Variants in PIK3R3 observed in about 807,000 individuals in gnomAD.
PIK3R3 encodes phosphatidylinositol 3-kinase regulatory subunit gamma.
A neutral mutation model predicts 62.9 loss-of-function variants in PIK3R3; 64 were observed. The ratio of observed to expected loss-of-function variants is 1.02; its 90% CI spans 0.83 to 1.25. PIK3R3 has a LOEUF of 1.25. Ranked by LOEUF, PIK3R3 falls within the 50% of genes most tolerant of loss-of-function variation. The probability of loss-of-function intolerance (pLI) is 0.00; values close to 1 mark genes in which losing one functional copy is unlikely to be tolerated. For synonymous variants in PIK3R3, 165 were observed against 189.0 expected (o/e 0.87, Z 1.04); for missense variants, 614 against 561.6 (o/e 1.09, Z -0.94).
In PIK3R3 at chr1:46,041,698, A is replaced by G. The variant is rs1032525276; in HGVS notation, c.*1975T>C. 1.0e-5 allele frequency: 2 copies of G among 194,176 alleles called. No individual in the cohort carries two copies. The highest frequency in any genetic ancestry group is 4.6e-5 in the African/African-American group (2 of 43,106). 12.0% of individuals were successfully genotyped at this position (194,176 alleles called of 1,614,324 possible). ...AGCAATTAGCTTGGTATTATTCAGTAAAACTTTCAGTTAAGATTTCAATTG... is the reference window on the plus strand; with the variant it reads ...AGCAATTAGCTTGGTATTATTCAGTGAAACTTTCAGTTAAGATTTCAATTG... On this transcript the variant is annotated 3_prime_UTR_variant, in exon 10 of 10. Coordinates refer to ENST00000262741, the MANE Select transcript of PIK3R3 (RefSeq NM_003629.4).
chr1:46,146,531 G>A, the PIK3R3 span, among the ~76,000 whole-genome samples: 1,461 of 152,210 alleles, frequency 9.6e-3, 77 homozygotes, highest in East Asian at 0.16. Flanking sequence ...CTCCAAAATG[G>A]GAAAGGTGTT....
At chr1:46,168,097 G>A in the PIK3R3 span, among the ~76,000 whole-genome samples, 1 of 152,058 alleles carries the variant, frequency 6.6e-6, no homozygotes, top group African/African-American at 2.4e-5. Flanking sequence ...GTTGCAGTGA[G>A]CCTAGATCAC....
intron 1 of PIK3R3, among the ~76,000 whole-genome samples, chr1:46,098,131 A>T (rs1438464233): frequency 6.6e-6 from 1 of 152,214 alleles, no homozygotes; most frequent in African/African-American, 2.4e-5. Context: ...TGTAAAAAAA[A>T]TCCCATTCCA....
the PIK3R3 span, among the ~76,000 whole-genome samples, chr1:46,167,776 G>A: frequency 4.6e-5 from 7 of 152,304 alleles, no homozygotes; most frequent in East Asian, 1.2e-3. Flanking sequence ...CCCGCTCTGG[G>A]CTTCCACTCA....
Position 46,043,526 on chromosome 1 carries a change from G to T in PIK3R3, c.*147C>A. On this transcript the variant is annotated 3_prime_UTR_variant, in exon 10 of 10. Coordinates refer to ENST00000262741, the MANE Select transcript of PIK3R3 (RefSeq NM_003629.4). The stretch of plus-strand genomic sequence containing the variant: ...GGCCTCTAATGCCCCCATCCCGGCC[G>T]GCTGCTGCTCGGCCTCTCCACTTCA... 1.5e-6 allele frequency: 1 copy of T among 684,530 alleles called. No individual in the cohort carries two copies. The highest frequency in any genetic ancestry group is 2.5e-6 in the Non-Finnish European group (1 of 402,150). The allele number at this position is 684,530 out of a possible 1,614,324, so 42.4% of individuals were successfully genotyped here.
chr1:46,063,872 C>T (rs978481026), intron 5 of PIK3R3, among the ~76,000 whole-genome samples: 1 of 152,192 alleles, frequency 6.6e-6, no homozygotes, highest in Admixed American at 6.5e-5. Context: ...GAAAAAAAAG[C>T]ATTCTTATTC....
rs376922130 is a variant in PIK3R3 at position 46,096,127 on chromosome 1, T to C, written c.107-15377A>G. 2.6e-4 allele frequency among the ~76,000 whole-genome samples: 40 copies of C among 152,342 alleles called. No individual in the cohort carries two copies. The East Asian group carries it at 5.4e-3, about 21-fold the overall frequency. On this transcript the variant is annotated intron_variant, in intron 1 of 9. Transcript: ENST00000262741. ...TTCTAGGGCTTCTCCAGCTGGAGTA[T>C]AGAATGAGTGGGCACGCATATACAC...
chr1:46,059,459 T>C (rs1648259435), intron 6 of PIK3R3, among the ~76,000 whole-genome samples: 1 of 152,236 alleles, frequency 6.6e-6, no homozygotes, highest in African/African-American at 2.4e-5. Flanking sequence ...TTTGCTATAC[T>C]CTGAACCCTT....
intron 7 of PIK3R3, among the ~76,000 whole-genome samples, chr1:46,052,344 T>C (rs1368913180): frequency 1.3e-5 from 2 of 151,934 alleles, no homozygotes; most frequent in Non-Finnish European, 2.9e-5. Context: ...GGGACTACAA[T>C]ACCAAAAAAG....
At chr1:46,124,472 A>G (rs1343587032) in intron 1 of PIK3R3, among the ~76,000 whole-genome samples, 2 of 152,206 alleles carry the variant, frequency 1.3e-5, no homozygotes, top group Admixed American at 1.3e-4. Flanking sequence ...AACACGTCCT[A>G]TCTTTTCTAC....
At chr1:46,118,524 G>C (rs1172284588) in intron 1 of PIK3R3, among the ~76,000 whole-genome samples, 2 of 151,026 alleles carry the variant, frequency 1.3e-5, no homozygotes, top group African/African-American at 4.9e-5. Flanking sequence ...TACATGGTGG[G>C]AAAGCCCCAC....
intron 1 of PIK3R3, among the ~76,000 whole-genome samples, chr1:46,082,726 T>C (rs1389728456): frequency 1.3e-5 from 2 of 152,160 alleles, no homozygotes; most frequent in East Asian, 3.8e-4. Context: ...TTGTAAGCAA[T>C]CTTGGGGGGA....
At chr1:46,120,238 C>T (rs1013833132) in intron 1 of PIK3R3, among the ~76,000 whole-genome samples, 10 of 152,184 alleles carry the variant, frequency 6.6e-5, no homozygotes, top group Non-Finnish European at 1.2e-4. Flanking sequence ...AAAGGTCTGT[C>T]TTATATTAAC....
At chr1:46,089,159 C>T (rs528031302) in intron 1 of PIK3R3, among the ~76,000 whole-genome samples, 1 of 152,196 alleles carries the variant, frequency 6.6e-6, no homozygotes, top group Admixed American at 6.5e-5. Context: ...GGAAACCAGG[C>T]GGTGTAAAAT....
chr1:46,167,089 C>T, the PIK3R3 span, among the ~76,000 whole-genome samples: 1 of 152,262 alleles, frequency 6.6e-6, no homozygotes, highest in Non-Finnish European at 1.5e-5. Flanking sequence ...CGCCCAGGAC[C>T]CTAGCTGCGG....
In PIK3R3 at chr1:46,053,434, T is replaced by C. The variant is rs945160176; in HGVS notation, c.941+2361A>G. 1.2e-4 allele frequency among the ~76,000 whole-genome samples: 18 copies of C among 152,204 alleles called. No individual in the cohort carries two copies. The South Asian group carries it at 1.2e-3, about 11-fold the overall frequency. On this transcript the variant is annotated intron_variant, in intron 7 of 9. Transcript: ENST00000262741. ...AATGTTAGTATCTTCCCAAAATTCA[T>C]AGGTTGAAAATCTAACACTCAAGGT...
At chr1:46,106,963 C>T (rs1234753907) in intron 1 of PIK3R3, among the ~76,000 whole-genome samples, 2 of 151,772 alleles carry the variant, frequency 1.3e-5, no homozygotes, top group South Asian at 2.1e-4. Flanking sequence ...TCAGTACAAA[C>T]GGGGTCAGGC....
intron 3 of PIK3R3, among the ~76,000 whole-genome samples, chr1:46,076,346 G>A (rs533300378): frequency 6.6e-6 from 1 of 152,202 alleles, no homozygotes; most frequent in Admixed American, 6.5e-5. Context: ...AATCAGGAAA[G>A]TGTGACGTCT....
the PIK3R3 span, among the ~76,000 whole-genome samples, chr1:46,162,024 G>A: frequency 7.9e-5 from 12 of 151,706 alleles, no homozygotes; most frequent in South Asian, 2.1e-4. Context: ...CCCGGGAGGC[G>A]GAGCTTGCAG....
Sources: gnomAD v4.1 joint callset for allele counts (sites outside exome capture counted in the v4.1 genomes callset) on GRCh38, gnomAD v4.1.1 for gene constraint, MANE v1.5 for transcripts, NCBI Gene and HGNC (gene_info 2026-07-23, HGNC 2026-07-21) for gene names.